PDE3A: variants seen among roughly 807,000 people sequenced by gnomAD.
PDE3A encodes the protein cGMP-inhibited 3',5'-cyclic phosphodiesterase 3A.
PDE3A carries 43 observed loss-of-function variants against 98.3 expected under a neutral mutation model. That is an observed-to-expected ratio of 0.44 (90% CI 0.34 to 0.56). PDE3A has a LOEUF of 0.56. Among genes scored for constraint, PDE3A ranks in the 20% least tolerant of loss-of-function variants. PDE3A has a pLI of 0.01. For missense variants in PDE3A, 1,427 were observed against 1,440.7 expected (o/e 0.99, Z 0.15); for synonymous variants, 663 against 567.9 (o/e 1.17, Z -2.38).
At chr12:20,524,712 A>T (rs1290424014) in intron 1 of PDE3A, among the ~76,000 whole-genome samples, 5 of 152,140 alleles carry the variant, frequency 3.3e-5, no homozygotes, top group African/African-American at 4.8e-5. Flanking sequence ...ATGAACACAC[A>T]GGCATCAACC....
intron 15 of PDE3A, among the ~76,000 whole-genome samples, chr12:20,676,627 G>C (rs956325632): frequency 2.0e-5 from 3 of 151,404 alleles, no homozygotes; most frequent in Non-Finnish European, 4.4e-5. Context: ...AGCCTCCCGA[G>C]TAGCTGGGAC....
intron 1 of PDE3A, among the ~76,000 whole-genome samples, chr12:20,372,889 TTCA>T (rs1943503017): frequency 6.6e-6 from 1 of 152,124 alleles, no homozygotes; most frequent in Non-Finnish European, 1.5e-5. Flanking sequence ...GTGAGAGAAT[TTCA>T]TCATTTTCTT....
intron 1 of PDE3A, among the ~76,000 whole-genome samples, chr12:20,379,279 C>T (rs757993131): frequency 7.3e-5 from 11 of 151,718 alleles, no homozygotes; most frequent in South Asian, 2.1e-4. Context: ...TTATTTTTAT[C>T]GTATTTTAGA....
chr12:20,520,996 C>T (rs1055907974), intron 1 of PDE3A, among the ~76,000 whole-genome samples: 1 of 152,208 alleles, frequency 6.6e-6, no homozygotes, highest in African/African-American at 2.4e-5. Flanking sequence ...TCATGTCCTA[C>T]AGTTTGAACT....
At chr12:20,453,454 C>G (rs757863835) in intron 1 of PDE3A, among the ~76,000 whole-genome samples, 1 of 152,006 alleles carries the variant, frequency 6.6e-6, no homozygotes, top group African/African-American at 2.4e-5. Context: ...CCTGGGATTA[C>G]AGGCATTGAG....
At chr12:20,514,959 A>G (rs763240138) in intron 1 of PDE3A, among the ~76,000 whole-genome samples, 1 of 152,234 alleles carries the variant, frequency 6.6e-6, no homozygotes, top group Non-Finnish European at 1.5e-5. Flanking sequence ...TCTAAAAGCT[A>G]GAAAGTTCAA....
intron 15 of PDE3A, among the ~76,000 whole-genome samples, chr12:20,669,457 G>A (rs1307879378): frequency 7.3e-5 from 11 of 151,246 alleles, no homozygotes; most frequent in Admixed American, 1.3e-4. Context: ...GAGAAAGGTC[G>A]GGTTACCCTC....
intron 1 of PDE3A, among the ~76,000 whole-genome samples, chr12:20,431,611 A>ACACACACACACG (rs1200627566): frequency 6.6e-6 from 1 of 151,464 alleles, no homozygotes; most frequent in African/African-American, 2.4e-5. Flanking sequence ...ACACACACAC[A>ACACACACACACG]CACACACACA....
chr12:20,392,725 C>T, intron 1 of PDE3A, among the ~76,000 whole-genome samples: 1 of 151,970 alleles, frequency 6.6e-6, no homozygotes, highest in Non-Finnish European at 1.5e-5. Flanking sequence ...ACAGAATTAA[C>T]TTCAGTGTCT....
At chr12:20,410,197 G>A (rs748066157) in intron 1 of PDE3A, among the ~76,000 whole-genome samples, 5 of 152,056 alleles carry the variant, frequency 3.3e-5, no homozygotes, top group East Asian at 1.9e-4. Context: ...GTGGTATTGG[G>A]CTATCCTTTT....
chr12:20,663,438 A>G (rs1253419627), intron 15 of PDE3A, among the ~76,000 whole-genome samples: 1 of 151,938 alleles, frequency 6.6e-6, no homozygotes, highest in East Asian at 1.9e-4. Context: ...AGCCTGTGAA[A>G]GCAGCTGGAG....
intron 1 of PDE3A, among the ~76,000 whole-genome samples, chr12:20,411,577 C>G (rs1484262591): frequency 6.6e-6 from 1 of 151,912 alleles, no homozygotes; most frequent in Non-Finnish European, 1.5e-5. Flanking sequence ...GGTTTTATTA[C>G]TTTGCACCTG....
chr12:20,671,138 G>A (rs1402228536), intron 15 of PDE3A, among the ~76,000 whole-genome samples: 1 of 145,284 alleles, frequency 6.9e-6, no homozygotes, highest in Non-Finnish European at 1.5e-5. Flanking sequence ...ACTCTCCCAA[G>A]ACTAAACCAG....
intron 1 of PDE3A, among the ~76,000 whole-genome samples, chr12:20,432,567 G>C (rs923363579): frequency 6.6e-6 from 1 of 152,092 alleles, no homozygotes; most frequent in Non-Finnish European, 1.5e-5. Flanking sequence ...AACTCATCAA[G>C]TTGTATATAT....
chr12:20,484,261 T>C (rs1231596602), intron 1 of PDE3A, among the ~76,000 whole-genome samples: 1 of 152,212 alleles, frequency 6.6e-6, no homozygotes, highest in Non-Finnish European at 1.5e-5. Context: ...GATTTTTATC[T>C]CTTAAAAGTA....
intron 1 of PDE3A, among the ~76,000 whole-genome samples, chr12:20,373,569 A>C (rs1943517780): frequency 6.6e-6 from 1 of 152,104 alleles, no homozygotes; most frequent in Non-Finnish European, 1.5e-5. Flanking sequence ...TACTGAGACC[A>C]CCTTACACAT....
Position 20,552,305 on chromosome 12 carries a change from A to G in PDE3A, c.961-4355A>G. 6.2e-7 allele frequency: 1 copy of G among 1,613,886 alleles called. No homozygotes were observed. Among genetic ancestry groups the G allele is most frequent in the Non-Finnish European group, 8.5e-7 (1 of 1,179,880 alleles). ...GAGGGCAACCGCTACGATGGCATCTACAAGGTTGTGAAATACTGGCCCGAG... is the reference window on the plus strand; with the variant it reads ...GAGGGCAACCGCTACGATGGCATCTGCAAGGTTGTGAAATACTGGCCCGAG... On this transcript the variant is annotated intron_variant, in intron 1 of 15. Coordinates refer to ENST00000359062, the MANE Select transcript of PDE3A (RefSeq NM_000921.5). This position sits in a 1 kb window ranked among gnomAD's most constrained non-coding sequence, Gnocchi z 5.1.
At chr12:20,538,586 G>A (rs940127868) in intron 1 of PDE3A, among the ~76,000 whole-genome samples, 2 of 152,108 alleles carry the variant, frequency 1.3e-5, no homozygotes, top group East Asian at 3.9e-4. Flanking sequence ...AGAAGAATAC[G>A]ACGTATTATA....
At chr12:20,467,933 C>A (rs1421182048) in intron 1 of PDE3A, among the ~76,000 whole-genome samples, 1 of 35,676 alleles carries the variant, frequency 2.8e-5, no homozygotes, top group African/African-American at 1.1e-4. Flanking sequence ...GACTCCTTCT[C>A]AAAAAAAAAA....
Sources: gnomAD v4.1 joint callset for allele counts (sites outside exome capture counted in the v4.1 genomes callset) on GRCh38, gnomAD v4.1.1 for gene constraint, Gnocchi (gnomAD v3.1) non-coding constraint, MANE v1.5 for transcripts, NCBI Gene and HGNC (gene_info 2026-07-23, HGNC 2026-07-21) for gene names.